CSMD1: variants seen among roughly 807,000 people sequenced by gnomAD.
CSMD1 encodes CUB and Sushi multiple domains 1, also known as CUB and sushi domain-containing protein 1.
A neutral mutation model predicts 417.5 loss-of-function variants in CSMD1; 213 were observed. The ratio of observed to expected loss-of-function variants is 0.51; its 90% CI spans 0.46 to 0.57. The LOEUF (loss-of-function observed/expected upper bound fraction) is 0.57, where lower values mean the gene tolerates loss of function less well. Ranked by LOEUF, CSMD1 falls within the 20% of genes least tolerant of loss-of-function variation. CSMD1 has a pLI of 0.00. For missense variants in CSMD1, 6,923 were observed against 4,529.7 expected (o/e 1.53, Z -15.17); for synonymous variants, 2,862 against 1,736.8 (o/e 1.65, Z -16.11).
intron 1 of CSMD1, among the ~76,000 whole-genome samples, chr8:4,722,908 T>G (rs1412229951): frequency 6.6e-6 from 1 of 152,204 alleles, no homozygotes; most frequent in African/African-American, 2.4e-5. Context: ...ATCTTACTGC[T>G]ATTTTCTATA....
chr8:4,933,404 G>GA (rs1563802989), intron 1 of CSMD1, among the ~76,000 whole-genome samples: 1 of 152,070 alleles, frequency 6.6e-6, no homozygotes. Flanking sequence ...ACCTTATGGG[G>GA]AAAAAAGTCA....
At chr8:4,179,781 A>C (rs573245190) in intron 3 of CSMD1, among the ~76,000 whole-genome samples, 1 of 152,104 alleles carries the variant, frequency 6.6e-6, no homozygotes, top group Non-Finnish European at 1.5e-5. Context: ...ATGAACAGAC[A>C]CTTCTCAAAA....
intron 69 of CSMD1, among the ~76,000 whole-genome samples, chr8:2,940,809 A>G (rs1801821785): frequency 6.6e-6 from 1 of 152,244 alleles, no homozygotes; most frequent in South Asian, 2.1e-4. Flanking sequence ...AACAGCTTTA[A>G]TGGACTAGAC....
chr8:4,524,800 G>C (rs1251685046), intron 2 of CSMD1, among the ~76,000 whole-genome samples: 1 of 152,026 alleles, frequency 6.6e-6, no homozygotes, highest in Non-Finnish European at 1.5e-5. Context: ...GTAAATTACG[G>C]TGAGTCAAAA....
rs974929277 is a variant in CSMD1 at position 3,096,955 on chromosome 8, G to C, written c.7032C>G (p.Ser2344=). 1 of 1,555,246 alleles carries C rather than the reference G, an allele frequency of 6.4e-7. No homozygotes were observed. Among genetic ancestry groups the C allele is most frequent in the Non-Finnish European group, 8.7e-7 (1 of 1,148,476 alleles). ...CTTTAATACTCCAAGAGCAAGTCTG[G>C]GAGTTAAAATAATTACCCGGATACC... ...SPGYPGNYFN[S]QTCSWSIKVE... Residue 2344 remains serine, a synonymous_variant, in exon 47 of 70, where the codon TCC becomes TCG. Transcript: ENST00000635120.
At chr8:3,224,394 G>A (rs1341776271) in intron 27 of CSMD1, among the ~76,000 whole-genome samples, 1 of 152,202 alleles carries the variant, frequency 6.6e-6, no homozygotes, top group Non-Finnish European at 1.5e-5. Context: ...CGTCTAGGCG[G>A]TTTCTGGATC....
At chr8:4,466,548 A>G (rs1800182111) in intron 2 of CSMD1, among the ~76,000 whole-genome samples, 1 of 152,236 alleles carries the variant, frequency 6.6e-6, no homozygotes, top group South Asian at 2.1e-4. Flanking sequence ...GAAAACCATG[A>G]GCAAAAATGG....
intron 26 of CSMD1, among the ~76,000 whole-genome samples, chr8:3,280,827 A>C (rs1350803139): frequency 6.6e-6 from 1 of 152,134 alleles, no homozygotes; most frequent in East Asian, 1.9e-4. Context: ...CATGATCCTC[A>C]AATAATTATA....
intron 10 of CSMD1, among the ~76,000 whole-genome samples, chr8:3,532,129 CCT>C (rs1798007814): frequency 6.6e-6 from 1 of 152,112 alleles, no homozygotes. Flanking sequence ...TTCTGGGACT[CCT>C]CTCTGGAGTA....
chr8:4,218,101 G>T (rs1273278366), intron 3 of CSMD1, among the ~76,000 whole-genome samples: 1 of 152,094 alleles, frequency 6.6e-6, no homozygotes, highest in African/African-American at 2.4e-5. Context: ...TTTTGCAATC[G>T]GACATTGGCG....
intron 1 of CSMD1, among the ~76,000 whole-genome samples, chr8:4,928,933 G>C (rs1585348253): frequency 1.3e-5 from 2 of 152,146 alleles, no homozygotes; most frequent in African/African-American, 4.8e-5. Context: ...TAGCCAGGCA[G>C]GTTGGTACAT....
At chr8:3,182,778 G>GA (rs1821450344) in intron 36 of CSMD1, among the ~76,000 whole-genome samples, 1 of 128,758 alleles carries the variant, frequency 7.8e-6, no homozygotes, top group South Asian at 2.6e-4. Flanking sequence ...TATTGTTAGA[G>GA]AAGTGGTTTC....
At chr8:3,030,620 G>A (rs1810282311) in intron 50 of CSMD1, among the ~76,000 whole-genome samples, 2 of 151,846 alleles carry the variant, frequency 1.3e-5, no homozygotes, top group South Asian at 4.2e-4. Context: ...GGGACTATGG[G>A]GATACAGATG....
chr8:3,254,358 G>GT (rs1219016389), intron 26 of CSMD1, among the ~76,000 whole-genome samples: 1 of 152,046 alleles, frequency 6.6e-6, no homozygotes, highest in Non-Finnish European at 1.5e-5. Flanking sequence ...GTGTCTTAGA[G>GT]TTACTCTTCT....
At chr8:4,504,025 G>A (rs1418463686) in intron 2 of CSMD1, among the ~76,000 whole-genome samples, 1 of 151,730 alleles carries the variant, frequency 6.6e-6, no homozygotes, top group African/African-American at 2.4e-5. Flanking sequence ...GGTTATCTGT[G>A]TTCTCATGTT....
At chr8:3,399,256 C>G (rs1049231812) in intron 16 of CSMD1, 135 bp downstream of exon 16, 16 of 706,826 alleles carry the variant, frequency 2.3e-5, no homozygotes, top group Non-Finnish European at 3.4e-5. Flanking sequence ...AAGTAAGTGC[C>G]TGTTTCTGGT....
In CSMD1 at chr8:4,420,036, A is replaced by G. The variant is rs1245504019; in HGVS notation, c.332T>C (p.Ile111Thr). Residue 111 changes from isoleucine (I) to threonine (T), a missense_variant, in exon 3 of 70, where the codon ATA becomes ACA. Physicochemically the swap from Ile to Thr is moderately conservative, Grantham distance 89 (BLOSUM62 -1). Transcript: ENST00000635120. ...AGTGAGGATAGATCCTGTACTCACT[A>G]TAGAGGAGGGCAGCTGAAATCCCGA... is the stretch of plus-strand genomic sequence containing the variant. Reference protein sequence around the residue: ...RLSGFQLPSSIVSTGSILTLW... With the variant: ...RLSGFQLPSSTVSTGSILTLW... 3.2e-6 allele frequency: 5 copies of G among 1,577,024 alleles called. No homozygotes were observed. The highest frequency in any genetic ancestry group is 1.3e-5 in the African/African-American group (1 of 74,274).
rs575917916 is a variant in CSMD1 at position 4,319,913 on chromosome 8, G to A, written c.415+100040C>T. On this transcript the variant is annotated intron_variant, in intron 3 of 69. Coordinates refer to ENST00000635120, the MANE Select transcript of CSMD1 (RefSeq NM_033225.6). ...AGGCTACAGAAAGATCCACCGGAAA[G>A]CAGTAGGGAGTCATCTTCAGAGCTT... Among the ~76,000 whole-genome samples, 38 of 152,278 alleles carry A rather than the reference G, an allele frequency of 2.5e-4. 1 individual carries two copies. In the East Asian group the frequency reaches 7.1e-3, roughly 29 times the overall value.
intron 10 of CSMD1, among the ~76,000 whole-genome samples, chr8:3,554,350 C>G (rs766412177): frequency 3.3e-5 from 5 of 152,216 alleles, no homozygotes; most frequent in East Asian, 1.9e-4. Flanking sequence ...AGAAGACCTG[C>G]TGGCTGGCGA....
Sources: allele counts gnomAD v4.1 joint callset (sites outside exome capture counted in the v4.1 genomes callset), GRCh38; gene constraint gnomAD v4.1.1; transcripts MANE v1.5; gene names NCBI Gene and HGNC (gene_info 2026-07-23, HGNC 2026-07-21).